Variants in F9 observed in about 807,000 individuals in gnomAD.
F9 encodes the protein Christmas factor.
F9 carries 2 observed loss-of-function variants against 34.1 expected under a neutral mutation model. That is an observed-to-expected ratio of 0.06 (90% CI 0.02 to 0.18). The LOEUF is 0.18. Among genes scored for constraint, F9 ranks in the 10% least tolerant of loss-of-function variants. The pLI is 1.00. For synonymous variants in F9, 137 were observed against 118.8 expected, an observed-to-expected ratio of 1.15 and a Z score of -1.00; for missense variants, 216 against 345.1, an observed-to-expected ratio of 0.63 and a Z score of 2.96.
chrX:139,534,020 A>T (rs929822915), intron 1 of F9, among the ~76,000 whole-genome samples: 4 of 112,092 alleles, frequency 3.6e-5, no homozygotes, highest in Non-Finnish European at 5.6e-5. Context: ...AAAGGGAGAG[A>T]TCAACAATTA....
At chrX:139,531,963 A>G (rs767232860) in intron 1 of F9, among the ~76,000 whole-genome samples, 2 of 112,691 alleles carry the variant, frequency 1.8e-5, no homozygotes, top group South Asian at 7.3e-4. Flanking sequence ...AAGCAAGGCC[A>G]TTAGATATAT....
In F9 at chrX:139,557,304, C is replaced by T. The variant is rs4149761; in HGVS notation, c.724-3437C>T. 3.2e-3 allele frequency among the ~76,000 whole-genome samples: 361 copies of T among 112,258 alleles called. 1 individual carries two copies. The highest frequency in any genetic ancestry group is 5.3e-3 in the Non-Finnish European group (281 of 53,250). On this transcript the variant is annotated intron_variant, in intron 6 of 7. Coordinates refer to ENST00000218099, the MANE Select transcript of F9 (RefSeq NM_000133.4). Reference sequence around the variant, plus strand: ...TAGCTAATATTTTGATAGCTATGATCCTGAACGGCCAAACATTCCAAAACC... The same window carrying T: ...TAGCTAATATTTTGATAGCTATGATTCTGAACGGCCAAACATTCCAAAACC...
At chrX:139,559,779 A>G (rs4149746) in intron 6 of F9, among the ~76,000 whole-genome samples, 3,378 of 111,724 alleles carry the variant, frequency 0.03, 130 homozygotes, top group African/African-American at 0.11. Flanking sequence ...GCACTTTAAT[A>G]CAAGGGCAGT....
intron 4 of F9, among the ~76,000 whole-genome samples, chrX:139,548,075 G>A (rs1927755456): frequency 8.9e-6 from 1 of 111,793 alleles, no homozygotes; most frequent in South Asian, 3.7e-4. Flanking sequence ...AATAAATAGG[G>A]TTTTTAAACC....
chrX:139,546,172 C>T (rs965083490), intron 4 of F9, among the ~76,000 whole-genome samples: 1 of 111,701 alleles, frequency 9.0e-6, no homozygotes, highest in Non-Finnish European at 1.9e-5. Context: ...TGAGAACCTG[C>T]AGTATTTGAT....
chrX:139,534,058 C>T (rs1927401824), intron 1 of F9, among the ~76,000 whole-genome samples: 1 of 111,838 alleles, frequency 8.9e-6, no homozygotes, highest in Non-Finnish European at 1.9e-5. Flanking sequence ...CCAGTAAATA[C>T]ATAAACTCAA....
chrX:139,544,012 C>A (rs1029563606), intron 4 of F9, among the ~76,000 whole-genome samples: 2 of 111,801 alleles, frequency 1.8e-5, no homozygotes, highest in Non-Finnish European at 3.8e-5. Context: ...CCACCTCCTG[C>A]GCAAAACAAG....
At chrX:139,550,641 T>A (rs1825611454) in intron 5 of F9, among the ~76,000 whole-genome samples, 1 of 111,595 alleles carries the variant, frequency 9.0e-6, no homozygotes, top group African/African-American at 3.3e-5. Flanking sequence ...TTCTTAATCA[T>A]AAGCAGCAGA....
chrX:139,550,817 T>C (rs187721797), intron 5 of F9, among the ~76,000 whole-genome samples: 1 of 112,004 alleles, frequency 8.9e-6, no homozygotes, highest in Admixed American at 9.5e-5. Flanking sequence ...ACCTATTCTA[T>C]TTCCGTAAAG....
chrX:139,562,163 G>A lies in F9; in HGVS notation c.*92G>A, dbSNP rs1207042417. On this transcript the variant is annotated 3_prime_UTR_variant, in exon 8 of 8. Coordinates refer to ENST00000218099, the MANE Select transcript of F9 (RefSeq NM_000133.4). ...CACTTTCCCATCTTTTGTTAGATTT[G>A]AATATATACATTCTATGATCATTGC... is the stretch of plus-strand genomic sequence containing the variant. 1.2e-5 allele frequency: 9 copies of A among 777,610 alleles called. No homozygotes were observed. Among genetic ancestry groups the A allele is most frequent in the Non-Finnish European group, 1.5e-5 (8 of 520,329 alleles). The allele number at this position is 777,610 out of a possible 1,213,427, so 64.1% of individuals were successfully genotyped here.
At chrX:139,555,728 A>G (rs1927953092) in intron 6 of F9, among the ~76,000 whole-genome samples, 1 of 112,543 alleles carries the variant, frequency 8.9e-6, no homozygotes, top group Non-Finnish European at 1.9e-5. Context: ...GGTTAAATGC[A>G]CTACACAGGA....
chrX:139,550,089 T>C (rs1927806847), intron 5 of F9, among the ~76,000 whole-genome samples: 2 of 111,767 alleles, frequency 1.8e-5, no homozygotes, highest in Admixed American at 9.6e-5. Flanking sequence ...AGAAACAGAA[T>C]TGAGAACCAC....
intron 2 of F9, 79 bp from the exon 3 acceptor site, chrX:139,537,283 A>C: frequency 9.2e-7 from 1 of 1,091,247 alleles, no homozygotes; most frequent in African/African-American, 1.8e-5. Context: ...TATGTATGTT[A>C]AATGTTATAA....
chrX:139,559,408 C>CT (rs1928045319), intron 6 of F9, among the ~76,000 whole-genome samples: 1 of 111,489 alleles, frequency 9.0e-6, no homozygotes. Flanking sequence ...CAAAAATTAA[C>CT]TGGGCATGGT....
At chrX:139,560,997 G>A (rs1290544427) in intron 7 of F9, 142 bp downstream of exon 7, 9 of 513,115 alleles carry the variant, frequency 1.8e-5, no homozygotes, top group Admixed American at 2.7e-5. Context: ...CAGAACCCAC[G>A]TCGCACCGTC....
At chrX:139,556,951 C>T (rs906096312) in intron 6 of F9, among the ~76,000 whole-genome samples, 2 of 112,007 alleles carry the variant, frequency 1.8e-5, no homozygotes, top group Admixed American at 9.5e-5. Flanking sequence ...TTACTGAAAT[C>T]GCAGGTAACG....
At chrX:139,560,983 A>C in intron 7 of F9, 128 bp downstream of exon 7, 1 of 559,973 alleles carries the variant, frequency 1.8e-6, no homozygotes, top group Non-Finnish European at 3.1e-6. Flanking sequence ...AAGGGTCATA[A>C]TTTCAGAACC....
chrX:139,554,752 T>C (rs1408386167), intron 6 of F9, among the ~76,000 whole-genome samples: 1 of 112,847 alleles, frequency 8.9e-6, no homozygotes, highest in African/African-American at 3.2e-5. Flanking sequence ...TATGAAATAC[T>C]GTTTAGCAGT....
In F9 at chrX:139,537,186, A is replaced by T; in HGVS notation, c.252+13A>T. 3.3e-6 allele frequency: 4 copies of T among 1,206,230 alleles called. No individual in the cohort carries two copies. Among genetic ancestry groups the T allele is most frequent in the Non-Finnish European group, 4.5e-6 (4 of 890,575 alleles). ...CACTGAAAGAACAGTGAGTATTTCC[A>T]CATAATACCCTTCAGATGCAGAGCA... is the stretch of plus-strand genomic sequence containing the variant. On this transcript the variant is annotated intron_variant, in intron 2 of 7. Transcript: ENST00000218099.
Sources: gnomAD v4.1 joint callset for allele counts (sites outside exome capture counted in the v4.1 genomes callset) on GRCh38, gnomAD v4.1.1 for gene constraint, MANE v1.5 for transcripts, NCBI Gene and HGNC (gene_info 2026-07-23, HGNC 2026-07-21) for gene names.